Variants in MAP4K4 observed in about 807,000 individuals in gnomAD.
MAP4K4 encodes mitogen-activated protein kinase kinase kinase kinase 4, also known as HPK/GCK-like kinase HGK.
In MAP4K4, 38 loss-of-function variants were observed where a neutral mutation model predicts 189.6. That is an observed-to-expected ratio of 0.20 (90% CI 0.15 to 0.26). MAP4K4 has a LOEUF of 0.26. Among genes scored for constraint, MAP4K4 ranks in the 10% least tolerant of loss-of-function variants. MAP4K4 has a pLI of 1.00. For missense variants in MAP4K4, 1,054 were observed against 1,726.9 expected (o/e 0.61, Z 6.91); for synonymous variants, 610 against 624.3 (o/e 0.98, Z 0.34).
intron 2 of MAP4K4, among the ~76,000 whole-genome samples, chr2:101,779,158 GCCCTT>G (rs549226235): frequency 2.0e-3 from 300 of 152,214 alleles, no homozygotes; most frequent in Admixed American, 3.3e-3. Flanking sequence ...TTCTTTATCG[GCCCTT>G]CCTTTGTGGA....
intron 27 of MAP4K4, 132 bp from the exon 28 acceptor site, chr2:101,882,419 C>A: frequency 1.7e-6 from 1 of 587,006 alleles, no homozygotes; most frequent in Non-Finnish European, 2.7e-6. Context: ...TACACATCTC[C>A]AACTTGTGAC....
At chr2:101,875,053 C>T (rs60834201) in intron 26 of MAP4K4, among the ~76,000 whole-genome samples, 2,550 of 152,242 alleles carry the variant, frequency 0.017, 75 homozygotes, top group African/African-American at 0.058. Flanking sequence ...AAAAAATCTA[C>T]TTGATACTGA....
chr2:101,706,930 G>C (rs1286858357), intron 2 of MAP4K4, among the ~76,000 whole-genome samples: 1 of 152,102 alleles, frequency 6.6e-6, no homozygotes, highest in Non-Finnish European at 1.5e-5. Context: ...TTTCTTTAGG[G>C]ACTAAATCTC....
At chr2:101,760,487 C>CAAA (rs1209630895) in intron 2 of MAP4K4, among the ~76,000 whole-genome samples, 1 of 84,502 alleles carries the variant, frequency 1.2e-5, no homozygotes, top group African/African-American at 4.8e-5. Flanking sequence ...GACTCCATCT[C>CAAA]AAAAAAAAAA....
intron 32 of MAP4K4, among the ~76,000 whole-genome samples, chr2:101,890,188 T>G (rs1404522839): frequency 6.6e-6 from 1 of 152,286 alleles, no homozygotes; most frequent in African/African-American, 2.4e-5. Context: ...TTTTGTTGAT[T>G]TTTAAAAAGA....
At chr2:101,711,936 A>G (rs2045790585) in intron 2 of MAP4K4, among the ~76,000 whole-genome samples, 1 of 147,232 alleles carries the variant, frequency 6.8e-6, no homozygotes, top group South Asian at 2.1e-4. Context: ...TGGCTCTATC[A>G]GCTAAGGACT....
At chr2:101,777,028 A>G (rs943708047) in intron 2 of MAP4K4, among the ~76,000 whole-genome samples, 1 of 152,196 alleles carries the variant, frequency 6.6e-6, no homozygotes, top group Admixed American at 6.5e-5. Context: ...CTTTGCCAAT[A>G]TAGGCCTTAG....
intron 2 of MAP4K4, among the ~76,000 whole-genome samples, chr2:101,720,060 T>A (rs1226227924): frequency 6.6e-6 from 1 of 151,498 alleles, no homozygotes; most frequent in African/African-American, 2.4e-5. Flanking sequence ...GTAGAAAGAG[T>A]TTGAAGCTTT....
intron 25 of MAP4K4, 83 bp from the exon 26 acceptor site, chr2:101,873,999 A>G: frequency 8.3e-7 from 1 of 1,202,466 alleles, no homozygotes; most frequent in South Asian, 1.4e-5. Context: ...CCACATGAAT[A>G]TTTACTTGAA....
In MAP4K4 at chr2:101,859,934, A is replaced by G. The variant is rs1472014021; in HGVS notation, c.1704+70A>G. 7 of 1,414,896 alleles carry G rather than the reference A, an allele frequency of 4.9e-6. No individual in the cohort carries two copies. In the South Asian group the frequency reaches 6.1e-5, roughly 12 times the overall value. 87.6% of individuals were successfully genotyped at this position (1,414,896 alleles called of 1,614,324 possible). On this transcript the variant is annotated intron_variant, in intron 15 of 32. Transcript: ENST00000324219. ...TATAACGACTCTTCAGAACTGTGTCATATGAGTTCTAGAACGGGCCATAGA... is the reference window on the plus strand; with the variant it reads ...TATAACGACTCTTCAGAACTGTGTCGTATGAGTTCTAGAACGGGCCATAGA...
intron 2 of MAP4K4, among the ~76,000 whole-genome samples, chr2:101,751,087 A>G (rs540014590): frequency 1.3e-5 from 2 of 152,308 alleles, no homozygotes; most frequent in Admixed American, 1.3e-4. Context: ...TGCCGCTTCC[A>G]TCCCTCTGTT....
In MAP4K4 at chr2:101,840,107, G is replaced by A; in HGVS notation, c.949+113G>A. On this transcript the variant is annotated intron_variant, in intron 10 of 32. Transcript: ENST00000324219. Reference sequence around the variant, plus strand: ...GAGAGTGCTCACTTGGCCAGTGCTTGCATGGTTTCTCTGCTTGCGGTTCAG... The same window carrying A: ...GAGAGTGCTCACTTGGCCAGTGCTTACATGGTTTCTCTGCTTGCGGTTCAG... The A allele has an allele frequency of 3.9e-6, 4 of 1,029,754 alleles. No homozygotes were observed. The South Asian group carries it at 5.6e-5, about 14-fold the overall frequency. 63.8% of individuals were successfully genotyped at this position (1,029,754 alleles called of 1,614,324 possible).
chr2:101,702,633 C>T (rs989909482), intron 2 of MAP4K4, among the ~76,000 whole-genome samples: 5 of 152,104 alleles, frequency 3.3e-5, no homozygotes, highest in African/African-American at 1.2e-4. Flanking sequence ...GAAGGACTGA[C>T]AGAGGGGAAA....
chr2:101,861,378 G>A (rs573091630), intron 16 of MAP4K4: 13 of 161,046 alleles, frequency 8.1e-5, no homozygotes, highest in Non-Finnish European at 1.5e-4. Flanking sequence ...TTTACTGTGT[G>A]AGCCCTGGCT....
chr2:101,863,298 A>G (rs755981098), intron 16 of MAP4K4, among the ~76,000 whole-genome samples: 4 of 152,230 alleles, frequency 2.6e-5, no homozygotes, highest in African/African-American at 4.8e-5. Context: ...TTGAGATATT[A>G]TAGTCTCAAA....
intron 2 of MAP4K4, among the ~76,000 whole-genome samples, chr2:101,735,098 CTTGA>C (rs1227826140): frequency 6.6e-6 from 1 of 152,178 alleles, no homozygotes; most frequent in Non-Finnish European, 1.5e-5. Context: ...TTTATTTTCC[CTTGA>C]TTAAGAGGCT....
chr2:101,741,135 T>C (rs1428481361), intron 2 of MAP4K4, among the ~76,000 whole-genome samples: 1 of 151,918 alleles, frequency 6.6e-6, no homozygotes, highest in Non-Finnish European at 1.5e-5. Flanking sequence ...TCTTTTGCTG[T>C]ACATGGGGAA....
chr2:101,811,354 G>A lies in MAP4K4; in HGVS notation c.181-12574G>A, dbSNP rs142942332. 1.4e-4 allele frequency among the ~76,000 whole-genome samples: 16 copies of A among 116,402 alleles called. No homozygotes were observed. In the East Asian group the frequency reaches 4.2e-3, roughly 31 times the overall value. The allele number at this position is 116,402 out of a possible 152,430, so 76.4% of individuals were successfully genotyped here. A position where few individuals can be genotyped will look rare whatever the true frequency, so the allele number is the denominator to read the frequency against. ...GCCACTGCATTCCAGCATGGCGACA[G>A]AGTGAGACTGCGTCTCAAAAAAAAA... On this transcript the variant is annotated intron_variant, in intron 3 of 32. Transcript: ENST00000324219.
chr2:101,726,094 G>C (rs2055232876), intron 2 of MAP4K4, among the ~76,000 whole-genome samples: 1 of 152,160 alleles, frequency 6.6e-6, no homozygotes, highest in South Asian at 2.1e-4. Flanking sequence ...TGTGGACTTT[G>C]GCTTGGGATA....
Sources: allele counts gnomAD v4.1 joint callset (sites outside exome capture counted in the v4.1 genomes callset), GRCh38; gene constraint gnomAD v4.1.1; transcripts MANE v1.5; gene names NCBI Gene and HGNC (gene_info 2026-07-23, HGNC 2026-07-21).